The following BACH1 variants were observed in gnomAD, a reference collection of about 807,000 sequenced individuals.
BACH1 encodes the protein transcription regulator protein BACH1.
In BACH1, 35 loss-of-function variants were observed where a neutral mutation model predicts 52.9. That is an observed-to-expected ratio of 0.66 (90% confidence interval 0.51 to 0.88). The LOEUF (loss-of-function observed/expected upper bound fraction) is 0.88, where lower values mean the gene tolerates loss of function less well. BACH1 is among the 40% of genes least tolerant of loss of function. BACH1 has a pLI of 0.00. For synonymous variants in BACH1, 321 were observed against 319.6 expected (o/e 1.00, Z -0.05); for missense variants, 808 against 872.6 (o/e 0.93, Z 0.93).
intron 1 of BACH1, among the ~76,000 whole-genome samples, chr21:29,304,184 G>A (rs1053266381): frequency 6.8e-6 from 1 of 147,916 alleles, no homozygotes; most frequent in African/African-American, 2.5e-5. Flanking sequence ...GGAGTGCAGT[G>A]GCGCGATCTC....
intron 4 of BACH1, among the ~76,000 whole-genome samples, chr21:29,339,168 C>T (rs2089080717): frequency 6.6e-6 from 1 of 152,104 alleles, no homozygotes; most frequent in Non-Finnish European, 1.5e-5. Context: ...AGGGTAAATA[C>T]ATACATAATT....
intron 2 of BACH1, among the ~76,000 whole-genome samples, chr21:29,322,594 C>T (rs535004590): frequency 3.1e-4 from 47 of 152,058 alleles, no homozygotes; most frequent in Non-Finnish European, 5.6e-4. Flanking sequence ...GGCATTGGGA[C>T]ACAAATAGAA....
chr21:29,357,843 G>A (rs1055568208), intron 2 of BACH1, among the ~76,000 whole-genome samples: 3 of 152,158 alleles, frequency 2.0e-5, no homozygotes, highest in Non-Finnish European at 4.4e-5. Context: ...CTTCAGGGTT[G>A]ATTCCCTCCT....
At chr21:29,316,023 A>G (rs2088782388) in intron 1 of BACH1, among the ~76,000 whole-genome samples, 1 of 152,140 alleles carries the variant, frequency 6.6e-6, no homozygotes, top group South Asian at 2.1e-4. Context: ...GTACCCTTCT[A>G]CATTGAGAAT....
At chr21:29,335,321 G>C (rs1169559104) in intron 4 of BACH1, among the ~76,000 whole-genome samples, 1 of 152,156 alleles carries the variant, frequency 6.6e-6, no homozygotes, top group Non-Finnish European at 1.5e-5. Context: ...AAAGCTGTTT[G>C]TACTGCCCAG....
At chr21:29,321,150 T>C in intron 1 of BACH1, 71 bp from the exon 2 acceptor site, 1 of 788,882 alleles carries the variant, frequency 1.3e-6, no homozygotes. Flanking sequence ...GTATGTATCT[T>C]AGCCTGTATT....
intron 4 of BACH1, among the ~76,000 whole-genome samples, chr21:29,330,797 C>T (rs370253553): frequency 9.9e-5 from 15 of 151,880 alleles, no homozygotes; most frequent in South Asian, 4.2e-4. Flanking sequence ...AAAATTGTGC[C>T]TCCAGGAGAA....
At chr21:29,334,792 G>T (rs757729492) in intron 4 of BACH1, among the ~76,000 whole-genome samples, 1 of 152,092 alleles carries the variant, frequency 6.6e-6, no homozygotes, top group African/African-American at 2.4e-5. Context: ...GACCTCATCC[G>T]TCCTTAGTGA....
At chr21:29,324,187 G>A (rs1031324205) in intron 2 of BACH1, among the ~76,000 whole-genome samples, 2 of 149,226 alleles carry the variant, frequency 1.3e-5, no homozygotes, top group Admixed American at 6.7e-5. Context: ...AGCCAAGATC[G>A]TGCCGCTGCA....
chr21:29,333,836 G>A (rs1229784552), intron 4 of BACH1, among the ~76,000 whole-genome samples: 1 of 152,206 alleles, frequency 6.6e-6, no homozygotes, highest in East Asian at 1.9e-4. Flanking sequence ...GTCTCAGTGT[G>A]TTGGGACAAA....
chr21:29,336,587 T>C (rs1326040420), intron 4 of BACH1, among the ~76,000 whole-genome samples: 2 of 152,252 alleles, frequency 1.3e-5, no homozygotes, highest in African/African-American at 4.8e-5. Context: ...ATGATTTTTC[T>C]AAATCTTTCA....
chr21:29,299,183 C>T (rs1319630204), intron 1 of BACH1, among the ~76,000 whole-genome samples: 4 of 151,592 alleles, frequency 2.6e-5, no homozygotes, highest in African/African-American at 9.7e-5. Flanking sequence ...GTCCCGTCGG[C>T]GGCCGAACCC....
intron 2 of BACH1, among the ~76,000 whole-genome samples, chr21:29,357,652 A>G (rs906031703): frequency 6.6e-6 from 1 of 152,232 alleles, no homozygotes; most frequent in Non-Finnish European, 1.5e-5. Context: ...GAGTGAGGCC[A>G]GCCTTTCGCT....
At chr21:29,357,345 T>A (rs1243765264) in intron 2 of BACH1, among the ~76,000 whole-genome samples, 1 of 152,200 alleles carries the variant, frequency 6.6e-6, no homozygotes, top group Admixed American at 6.5e-5. Flanking sequence ...TTCTAAGAGA[T>A]CATGTCAGGC....
intron 1 of BACH1, among the ~76,000 whole-genome samples, chr21:29,318,684 G>A (rs2088815297): frequency 6.6e-6 from 1 of 152,162 alleles, no homozygotes; most frequent in South Asian, 2.1e-4. Flanking sequence ...GATGAGAAGC[G>A]GTGGGCCACA....
intron 1 of BACH1, among the ~76,000 whole-genome samples, chr21:29,306,869 A>T (rs574773410): frequency 1.3e-5 from 2 of 152,378 alleles, no homozygotes; most frequent in East Asian, 3.9e-4. Flanking sequence ...TTATTTAAAA[A>T]TTGAAAATGC....
At chr21:29,333,889 C>T (rs1172624981) in intron 4 of BACH1, among the ~76,000 whole-genome samples, 1 of 152,134 alleles carries the variant, frequency 6.6e-6, no homozygotes, top group African/African-American at 2.4e-5. Context: ...TATTTCTCAA[C>T]AAGAAGTTCT....
intron 2 of BACH1, among the ~76,000 whole-genome samples, chr21:29,352,253 C>T (rs1268286991): frequency 2.6e-5 from 4 of 151,830 alleles, no homozygotes; most frequent in Admixed American, 1.3e-4. Flanking sequence ...CGGGGTTTCA[C>T]GTGTTGGCCA....
intron 2 of BACH1, among the ~76,000 whole-genome samples, chr21:29,355,892 T>C (rs1162591808): frequency 6.6e-6 from 1 of 152,170 alleles, no homozygotes; most frequent in Non-Finnish European, 1.5e-5. Flanking sequence ...GTGGCATCTC[T>C]TACTATCCCT....
Sources: gnomAD v4.1 joint callset for allele counts (sites outside exome capture counted in the v4.1 genomes callset) on GRCh38, gnomAD v4.1.1 for gene constraint, MANE v1.5 for transcripts, NCBI Gene and HGNC (gene_info 2026-07-23, HGNC 2026-07-21) for gene names.